The following ANKFY1 variants were observed in gnomAD, a reference collection of about 807,000 sequenced individuals.
ANKFY1 encodes ankyrin repeat and FYVE domain-containing protein 1.
A neutral mutation model predicts 128.3 loss-of-function variants in ANKFY1; 47 were observed. The ratio of observed to expected loss-of-function variants is 0.37; its 90% CI spans 0.29 to 0.47. The LOEUF is 0.47. Ranked by LOEUF, ANKFY1 falls within the 20% of genes least tolerant of loss-of-function variation. ANKFY1 has a pLI of 1.00. For missense variants in ANKFY1, 1,222 were observed against 1,510.6 expected (o/e 0.81, Z 3.17); for synonymous variants, 553 against 601.6 (o/e 0.92, Z 1.18).
chr17:4,240,890 C>T (rs921161369), intron 2 of ANKFY1, among the ~76,000 whole-genome samples: 1 of 152,182 alleles, frequency 6.6e-6, no homozygotes, highest in Non-Finnish European at 1.5e-5. Flanking sequence ...CATCTAAATC[C>T]TCTGTATTTC....
chr17:4,238,372 C>A (rs1967020888), intron 2 of ANKFY1, among the ~76,000 whole-genome samples: 1 of 151,998 alleles, frequency 6.6e-6, no homozygotes, highest in African/African-American at 2.4e-5. Flanking sequence ...TTTCAGTTAC[C>A]ACATCTCGAC....
chr17:4,223,990 A>G (rs1397197013), intron 3 of ANKFY1, among the ~76,000 whole-genome samples: 1 of 152,102 alleles, frequency 6.6e-6, no homozygotes, highest in Non-Finnish European at 1.5e-5. Context: ...AATGTGGCAT[A>G]TTTTCTAGAT....
rs766833237 is a variant in ANKFY1, at chr17:4,235,909, C to T, written c.204-19G>A. The T allele has an allele frequency of 6.4e-7, 1 of 1,554,738 alleles. No homozygotes were observed. ...CAGATCGCTGATGAAGAAAAAGATC[C>T]ACATATATTAGAAAAATGTCATCAT... On this transcript the variant is annotated intron_variant, in intron 2 of 24. Transcript: ENST00000341657.
At chr17:4,176,868 T>C (rs942278993) in intron 19 of ANKFY1, among the ~76,000 whole-genome samples, 1 of 152,224 alleles carries the variant, frequency 6.6e-6, no homozygotes, top group African/African-American at 2.4e-5. Flanking sequence ...ACTTCCTCGG[T>C]GCTCCCACCC....
chr17:4,221,148 G>A (rs2060304518), intron 3 of ANKFY1, among the ~76,000 whole-genome samples: 1 of 152,214 alleles, frequency 6.6e-6, no homozygotes, highest in Non-Finnish European at 1.5e-5. Context: ...ATCTGAAATG[G>A]ATGGGAATAA....
chr17:4,244,590 C>T (rs546977519), intron 1 of ANKFY1, among the ~76,000 whole-genome samples: 3 of 152,198 alleles, frequency 2.0e-5, no homozygotes, highest in African/African-American at 7.2e-5. Context: ...TTGACACTGC[C>T]CTCAAGCCCA....
chr17:4,168,846 A>G (rs953726939), intron 24 of ANKFY1: 34 of 233,316 alleles, frequency 1.5e-4, no homozygotes, highest in Non-Finnish European at 2.7e-4. Flanking sequence ...ACAGCCCCTT[A>G]GTTCTCGGCA....
chr17:4,195,127 G>A lies in ANKFY1; in HGVS notation c.1223C>T (p.Ala408Val), dbSNP rs776435386. 8 of 1,613,906 alleles carry A rather than the reference G, an allele frequency of 5.0e-6. No individual in the cohort carries two copies. Among genetic ancestry groups the A allele is most frequent in the Non-Finnish European group, 6.8e-6 (8 of 1,179,810 alleles). ...AGAAGACACTGTGATATGCTGCACT[G>A]CCAGCCACAGAGCCGTGCTGCCCTC... ...DHEGSTALWL[A>V]VQHITVSSDQ... The change falls in exon 10 of 25, where the codon GCA becomes GTA. Residue 408 changes from alanine to valine, a missense_variant. Transcript: ENST00000341657.
At chr17:4,179,380 A>C (rs2059468046) in intron 17 of ANKFY1, 1 of 517,070 alleles carries the variant, frequency 1.9e-6, no homozygotes, top group Admixed American at 3.3e-5. Context: ...GAATGTTGAA[A>C]AGCATCAAAG....
chr17:4,185,140 C>T, intron 11 of ANKFY1, 94 bp from the exon 12 acceptor site: 1 of 1,085,488 alleles, frequency 9.2e-7, no homozygotes, highest in South Asian at 1.3e-5. Context: ...GGGTCCTTGG[C>T]TCATCCTGCC....
rs780437134 is a variant in ANKFY1 at position 4,235,802 on chromosome 17, A to G, written c.292T>C (p.Leu98=). The change falls in exon 3 of 25, where the codon TTG becomes CTG. Residue 98 remains leucine (L), a synonymous_variant. Coordinates refer to ENST00000341657, the MANE Select transcript of ANKFY1 (RefSeq NM_001330063.2). ...AGGTCCAACTCTTTAGTGGAAGACAAGTTAGCCAGACTCCAGCTGTCACTG... is the reference window on the plus strand; with the variant it reads ...AGGTCCAACTCTTTAGTGGAAGACAGGTTAGCCAGACTCCAGCTGTCACTG... ...ARSDSWSLAN[L]SSTKELDLSD... The G allele has an allele frequency of 6.2e-7, 1 of 1,614,188 alleles. No individual in the cohort carries two copies. The highest frequency in any genetic ancestry group is 1.1e-5 in the South Asian group (1 of 91,078).
intron 1 of ANKFY1, among the ~76,000 whole-genome samples, chr17:4,260,990 G>C (rs1348518662): frequency 6.6e-6 from 1 of 152,146 alleles, no homozygotes; most frequent in Non-Finnish European, 1.5e-5. Flanking sequence ...AAGCATAGCA[G>C]GCTCTGAGAA....
chr17:4,216,673 G>C, intron 4 of ANKFY1: 1 of 373,502 alleles, frequency 2.7e-6, no homozygotes, highest in Middle Eastern at 8.7e-4. Flanking sequence ...AAGGGAAACA[G>C]AAAGGGAAGG....
intron 1 of ANKFY1, among the ~76,000 whole-genome samples, chr17:4,249,932 G>A (rs1343257716): frequency 6.6e-6 from 1 of 152,140 alleles, no homozygotes; most frequent in Non-Finnish European, 1.5e-5. Flanking sequence ...TAGTCACAAT[G>A]ATCAAATCAC....
chr17:4,188,837 C>T (rs1021083904), intron 11 of ANKFY1: 1 of 146,866 alleles, frequency 6.8e-6, no homozygotes, highest in African/African-American at 2.5e-5. Context: ...TTGCACTCCA[C>T]CCTGGGCAAC....
In ANKFY1 at chr17:4,167,761, G is replaced by A; in HGVS notation, c.*18C>T. ...GGGAGGTGACCAAGGACGTGGCCTG[G>A]ACCCTCCGGGGGGCTCACTAAGAAA... is the stretch of plus-strand genomic sequence containing the variant. On this transcript the variant is annotated 3_prime_UTR_variant, in exon 25 of 25. Transcript: ENST00000341657. The surrounding 1 kb of genome is among the most constrained non-coding windows in gnomAD (Gnocchi z 4.1). 6.2e-7 allele frequency: 1 copy of A among 1,609,346 alleles called. No homozygotes were observed. The highest frequency in any genetic ancestry group is 8.5e-7 in the Non-Finnish European group (1 of 1,177,130).
At chr17:4,259,029 G>A (rs1478240955) in intron 1 of ANKFY1, among the ~76,000 whole-genome samples, 3 of 152,200 alleles carry the variant, frequency 2.0e-5, no homozygotes, top group Non-Finnish European at 4.4e-5. Context: ...GCACCAGGGT[G>A]AAAGCATCAG....
intron 1 of ANKFY1, among the ~76,000 whole-genome samples, chr17:4,243,002 C>T (rs1368718241): frequency 6.6e-6 from 1 of 152,200 alleles, no homozygotes; most frequent in African/African-American, 2.4e-5. Context: ...CTAATTTTCA[C>T]ATGTTCTTCT....
intron 13 of ANKFY1, 28 bp from the exon 14 acceptor site, chr17:4,183,579 G>A (rs1404137341): frequency 1.2e-6 from 2 of 1,605,816 alleles, no homozygotes. Context: ...ATCTCATCCA[G>A]GCTCGGCTTT....
Sources: allele counts gnomAD v4.1 joint callset (sites outside exome capture counted in the v4.1 genomes callset), GRCh38; gene constraint gnomAD v4.1.1; non-coding constraint Gnocchi (gnomAD v3.1); transcripts MANE v1.5; gene names NCBI Gene and HGNC (gene_info 2026-07-23, HGNC 2026-07-21).